SPC24: variants seen among roughly 807,000 people sequenced by gnomAD.
The protein encoded by SPC24 is kinetochore protein Spc24.
In SPC24, 31 loss-of-function variants were observed where a neutral mutation model predicts 27.6. The ratio of observed to expected loss-of-function variants is 1.12; its 90% CI spans 0.84 to 1.52. The LOEUF is 1.52. SPC24 is among the 40% of genes most tolerant of loss of function. The pLI, the probability that SPC24 is intolerant of heterozygous loss-of-function variation, is 0.00. For missense variants in SPC24, 284 were observed against 252.5 expected, an observed-to-expected ratio of 1.12 and a Z score of -0.84; for synonymous variants, 105 against 105.8, an observed-to-expected ratio of 0.99 and a Z score of 0.05.
At chr19:11,150,939 G>A (rs996747740) in intron 1 of SPC24, among the ~76,000 whole-genome samples, 9 of 152,152 alleles carry the variant, frequency 5.9e-5, no homozygotes, top group Non-Finnish European at 2.9e-5. Flanking sequence ...CGAGGCAGGT[G>A]GATCACGAGG....
In SPC24 at chr19:11,146,698, G is replaced by GCGGAGCTTGCAGTGAGCTGAGA. The variant is rs1568629613; in HGVS notation, c.*463_*484dup. On this transcript the variant is annotated 3_prime_UTR_variant, in exon 5 of 5. Coordinates refer to ENST00000592540, the MANE Select transcript of SPC24 (RefSeq NM_182513.4). ...GAGAATGGCGTGAACCCGGGAGGAG[G>GCGGAGCTTGCAGTGAGCTGAGA]CGGAGCTTGCAGTGAGCTGAGATCG... 6.6e-6 allele frequency: 1 copy of GCGGAGCTTGCAGTGAGCTGAGA among 151,124 alleles called. No individual in the cohort carries two copies. Among genetic ancestry groups the GCGGAGCTTGCAGTGAGCTGAGA allele is most frequent in the East Asian group, 2.0e-4 (1 of 5,128 alleles). The allele number at this position is 151,124 out of a possible 1,614,324, so 9.4% of individuals were successfully genotyped here. A position where few individuals can be genotyped will look rare whatever the true frequency, so the allele number is the denominator to read the frequency against.
At position 11,148,080 on chromosome 19, in the gene SPC24, C is replaced by T. The variant is rs200903660; in HGVS notation, c.343G>A (p.Glu115Lys). ...TRELEELKEI[E>K]ADLERQEKEV... ...TTCTCCTGTCGCTCCAGATCCGCCTCAATCTCCTTGAGCTCTTCCAGCTCT... is the reference window on the plus strand; with the variant it reads ...TTCTCCTGTCGCTCCAGATCCGCCTTAATCTCCTTGAGCTCTTCCAGCTCT... Residue 115 changes from glutamate to lysine, a missense_variant, in exon 3 of 5, where the codon GAG (glutamate) becomes AAG (lysine). Transcript: ENST00000592540. The T allele has an allele frequency of 5.0e-6, 8 of 1,613,868 alleles. No individual in the cohort carries two copies. The African/African-American group carries it at 1.1e-4, about 22-fold the overall frequency.
rs375986607 is a variant in SPC24 at position 11,147,192 on chromosome 19, G to A, written c.585C>T (p.Thr195=). 4.0e-5 allele frequency: 62 copies of A among 1,551,928 alleles called. No homozygotes were observed. The highest frequency in any genetic ancestry group is 4.8e-5 in the South Asian group (4 of 84,112). ...ISDYLWSLVD[T]EW Reference sequence around the variant, plus strand: ...GCCACGAGGCTCCTGGCTACCACTCGGTGTCCACCAGACTCCAGAGGTAGT... The same window carrying A: ...GCCACGAGGCTCCTGGCTACCACTCAGTGTCCACCAGACTCCAGAGGTAGT... Residue 195 remains threonine (T), a synonymous_variant, in exon 5 of 5, where the codon ACC becomes ACT. Transcript: ENST00000592540.
At chr19:11,155,586 C>G in intron 1 of SPC24, 31 bp downstream of exon 1, 9 of 1,528,124 alleles carry the variant, frequency 5.9e-6, no homozygotes, top group Non-Finnish European at 7.9e-6. Flanking sequence ...CCCCTTCCCC[C>G]GTGGGCCCGC....
chr19:11,155,528 G>C, intron 1 of SPC24, 89 bp downstream of exon 1: 1 of 1,421,800 alleles, frequency 7.0e-7, no homozygotes, highest in Non-Finnish European at 9.3e-7. Context: ...GAGTCCAGGA[G>C]AGAAGGGGTT....
At chr19:11,148,210 GCA>G in intron 2 of SPC24, 93 bp from the exon 3 acceptor site, 1 of 778,752 alleles carries the variant, frequency 1.3e-6, no homozygotes, top group South Asian at 1.6e-5. Flanking sequence ...CTCTATTTAC[GCA>G]CACTCTCTTC....
Position 11,155,553 on chromosome 19 carries a change from G to A in SPC24, c.160+64C>T. The A allele has an allele frequency of 4.7e-6, 7 of 1,492,702 alleles. No individual in the cohort carries two copies. The South Asian group carries it at 7.7e-5, about 16-fold the overall frequency. 92.5% of individuals were successfully genotyped at this position (1,492,702 alleles called of 1,614,324 possible). On this transcript the variant is annotated intron_variant, in intron 1 of 4. Coordinates refer to ENST00000592540, the MANE Select transcript of SPC24 (RefSeq NM_182513.4). ...GAGAAGGGGTTTTGAGGTGGGCCTGGTCGCCCCCTCCCAGCACCCGGGCCC... is the reference window on the plus strand; with the variant it reads ...GAGAAGGGGTTTTGAGGTGGGCCTGATCGCCCCCTCCCAGCACCCGGGCCC...
chr19:11,152,948 G>C (rs1161246174), intron 1 of SPC24, among the ~76,000 whole-genome samples: 1 of 151,794 alleles, frequency 6.6e-6, no homozygotes, highest in Admixed American at 6.6e-5. Context: ...ACGCTGCCAG[G>C]AACACCGTTC....
intron 1 of SPC24, 134 bp downstream of exon 1, chr19:11,155,483 G>C: frequency 9.3e-7 from 1 of 1,070,832 alleles, no homozygotes; most frequent in Non-Finnish European, 1.3e-6. Flanking sequence ...GGCTCAGAGG[G>C]GGCCGTCCCA....
intron 4 of SPC24, chr19:11,147,591 G>A: frequency 3.4e-6 from 2 of 580,812 alleles, no homozygotes; most frequent in South Asian, 2.0e-5. Context: ...ACCACACTTG[G>A]CCTGCTATAC....
chr19:11,154,687 C>T (rs1056237070), intron 1 of SPC24, among the ~76,000 whole-genome samples: 1 of 151,880 alleles, frequency 6.6e-6, no homozygotes, highest in African/African-American at 2.4e-5. Flanking sequence ...TACAATTCCT[C>T]GTAAGGTTCC....
At chr19:11,155,207 C>T (rs1313912960) in intron 1 of SPC24, among the ~76,000 whole-genome samples, 3 of 152,122 alleles carry the variant, frequency 2.0e-5, no homozygotes, top group Non-Finnish European at 4.4e-5. Flanking sequence ...GCTATTGTCA[C>T]AACCATTTGA....
chr19:11,151,047 C>T (rs1218374681), intron 1 of SPC24, among the ~76,000 whole-genome samples: 1 of 151,062 alleles, frequency 6.6e-6, no homozygotes, highest in African/African-American at 2.4e-5. Flanking sequence ...CCTGTAGTCC[C>T]AGCTACTTGG....
At position 11,146,568 on chromosome 19, in the gene SPC24, AT is replaced by A. The variant is rs2077825712; in HGVS notation, c.*614del. 1 of 150,432 alleles carries A rather than the reference AT, an allele frequency of 6.6e-6. No homozygotes were observed. The highest frequency in any genetic ancestry group is 2.5e-5 in the African/African-American group (1 of 40,694). 9.3% of individuals were successfully genotyped at this position (150,432 alleles called of 1,614,324 possible). ...ATCACAAACTCAGGAGATGGAGACC[AT>A]CCTGTCTAACATGGTGAAACCCCGT... is the stretch of plus-strand genomic sequence containing the variant. On this transcript the variant is annotated 3_prime_UTR_variant, in exon 5 of 5. Coordinates refer to ENST00000592540, the MANE Select transcript of SPC24 (RefSeq NM_182513.4).
intron 1 of SPC24, 31 bp downstream of exon 1, chr19:11,155,586 C>T (rs2077904661): frequency 3.9e-6 from 6 of 1,528,124 alleles, no homozygotes; most frequent in Non-Finnish European, 5.2e-6. Flanking sequence ...CCCCTTCCCC[C>T]GTGGGCCCGC....
At position 11,149,115 on chromosome 19, in the gene SPC24, G is replaced by T. The variant is rs965188292; in HGVS notation, c.284C>A (p.Thr95Asn). ...ATATAGGAGGCTGGCCTTCAGACGG[G>T]TGTCCTCCTCCCCAGCCTCCTGAAG... is the stretch of plus-strand genomic sequence containing the variant. ...AGLQEAGEED[T>N]RLKASLLQLT... Residue 95 changes from threonine to asparagine, a missense_variant, in exon 2 of 5, where the codon ACC (threonine) becomes AAC (asparagine). By Grantham distance (65) the Thr-to-Asn change is moderately conservative. Transcript: ENST00000592540. 26 of 1,545,590 alleles carry T rather than the reference G, an allele frequency of 1.7e-5. No homozygotes were observed. The Admixed American group carries it at 5.2e-4, about 31-fold the overall frequency.
rs368112593 is a variant in SPC24, at chr19:11,148,143, G to A, written c.306-26C>T. 1.1e-5 allele frequency: 17 copies of A among 1,549,660 alleles called. No individual in the cohort carries two copies. In the East Asian group the frequency reaches 3.4e-4, roughly 31 times the overall value. ...GTAGGGCAGGTCGTTAAGGACCCCG[G>A]CTTTCGAGAGAGGGCTGCCCCTGCG... On this transcript the variant is annotated intron_variant, in intron 2 of 4. Coordinates refer to ENST00000592540, the MANE Select transcript of SPC24 (RefSeq NM_182513.4).
Position 11,146,113 on chromosome 19 carries a change from C to T in SPC24, c.*1070G>A, listed in dbSNP as rs1012411936. 6.6e-6 allele frequency: 1 copy of T among 152,112 alleles called. No individual in the cohort carries two copies. The highest frequency in any genetic ancestry group is 1.5e-5 in the Non-Finnish European group (1 of 68,048). 9.4% of individuals were successfully genotyped at this position (152,112 alleles called of 1,614,324 possible). ...TTCTGTCCTCCATGAAGCCTGCACACTCTGGTGTGGCTCCTGTCGCAATCT... is the reference window on the plus strand; with the variant it reads ...TTCTGTCCTCCATGAAGCCTGCACATTCTGGTGTGGCTCCTGTCGCAATCT... On this transcript the variant is annotated 3_prime_UTR_variant, in exon 5 of 5. Coordinates refer to ENST00000592540, the MANE Select transcript of SPC24 (RefSeq NM_182513.4).
At position 11,152,718 on chromosome 19, in the gene SPC24, G is replaced by A. The variant is rs147359716; in HGVS notation, c.160+2899C>T. The stretch of plus-strand genomic sequence containing the variant: ...CATTCTGCTAACAGCCAGGCTGGCC[G>A]AGTCACATCTTTCTCCTCAAGCCAT... On this transcript the variant is annotated intron_variant, in intron 1 of 4. Coordinates refer to ENST00000592540, the MANE Select transcript of SPC24 (RefSeq NM_182513.4). Among the ~76,000 whole-genome samples the A allele has an allele frequency of 7.9e-5, 12 of 152,144 alleles. No individual in the cohort carries two copies. The East Asian group carries it at 2.3e-3, about 29-fold the overall frequency.
Sources: gnomAD v4.1 joint callset for allele counts (sites outside exome capture counted in the v4.1 genomes callset) on GRCh38, gnomAD v4.1.1 for gene constraint, MANE v1.5 for transcripts, NCBI Gene and HGNC (gene_info 2026-07-23, HGNC 2026-07-21) for gene names.